The following LRRIQ4 variants were observed in gnomAD, a reference collection of about 807,000 sequenced individuals.
LRRIQ4 encodes leucine rich repeats and IQ motif containing 4.
In LRRIQ4, 21 loss-of-function variants were observed where a neutral mutation model predicts 40.1. That is an observed-to-expected ratio of 0.52 (90% CI 0.37 to 0.75). The LOEUF (loss-of-function observed/expected upper bound fraction) is 0.75, where lower values mean the gene tolerates loss of function less well. Ranked by LOEUF, LRRIQ4 falls within the 30% of genes least tolerant of loss-of-function variation. The pLI is 0.00. For missense variants in LRRIQ4, 655 were observed against 660.0 expected (o/e 0.99, Z 0.08); for synonymous variants, 277 against 277.1 (o/e 1.00, Z 0.00).
intron 1 of LRRIQ4, among the ~76,000 whole-genome samples, chr3:169,816,548 A>ATCTGGCT (rs1197492334): frequency 2.6e-5 from 4 of 151,944 alleles, no homozygotes; most frequent in African/African-American, 9.7e-5. Context: ...TAATCTGGCT[A>ATCTGGCT]AAAGTTTATT....
Position 169,821,933 on chromosome 3 carries a change from CAT to C in LRRIQ4, c.14_15del (p.Ile5LysfsTer8). 6.8e-7 allele frequency: 1 copy of C among 1,466,254 alleles called. No individual in the cohort carries two copies. The highest frequency in any genetic ancestry group is 9.0e-7 in the Non-Finnish European group (1 of 1,109,544). The allele number at this position is 1,466,254 out of a possible 1,614,324, so 90.8% of individuals were successfully genotyped here. On this transcript the variant is annotated frameshift_variant, in exon 2 of 6. Transcript: ENST00000340806. LOFTEE classifies it high-confidence loss of function. MSKDIKSVEHSPKIH... is the reference protein window; with the variant it reads MSKDXKSVEHSPKIH... ...TTTTCTTCACAATAATGTCAAAAGA[CAT>C]AAAATCAGTAGAACATTCACCTAAA...
At chr3:169,819,704 T>C (rs966319865) in intron 1 of LRRIQ4, among the ~76,000 whole-genome samples, 1 of 152,206 alleles carries the variant, frequency 6.6e-6, no homozygotes, top group Admixed American at 6.5e-5. Flanking sequence ...CAAATAATGA[T>C]GCCTCCTGCA....
At chr3:169,817,650 T>C (rs999140902) in intron 1 of LRRIQ4, among the ~76,000 whole-genome samples, 2 of 152,226 alleles carry the variant, frequency 1.3e-5, no homozygotes, top group Non-Finnish European at 2.9e-5. Flanking sequence ...TTATATCCTC[T>C]TGCTGAATGA....
intron 3 of LRRIQ4, among the ~76,000 whole-genome samples, chr3:169,829,876 A>C (rs1780123338): frequency 6.6e-6 from 1 of 152,234 alleles, no homozygotes; most frequent in African/African-American, 2.4e-5. Context: ...TGCACAGCAT[A>C]GGTAGTTCTC....
intron 1 of LRRIQ4, among the ~76,000 whole-genome samples, chr3:169,818,192 C>T (rs553719813): frequency 1.3e-4 from 20 of 152,308 alleles, no homozygotes; most frequent in Admixed American, 1.2e-3. Flanking sequence ...TCCTCTCCCT[C>T]CCCGAAGCAC....
At chr3:169,837,136 C>T (rs1430203488) in intron 5 of LRRIQ4, among the ~76,000 whole-genome samples, 1 of 152,180 alleles carries the variant, frequency 6.6e-6, no homozygotes. Flanking sequence ...GGTCACTCTC[C>T]ATAGCACTCA....
intron 1 of LRRIQ4, among the ~76,000 whole-genome samples, chr3:169,814,396 T>G (rs777363170): frequency 2.0e-4 from 30 of 152,194 alleles, no homozygotes; most frequent in Non-Finnish European, 2.9e-5. Flanking sequence ...TTCCTCTCAA[T>G]GTCCAGCCAC....
chr3:169,830,802 A>G (rs1780154267), intron 4 of LRRIQ4, among the ~76,000 whole-genome samples, 172 bp downstream of exon 4: 1 of 152,226 alleles, frequency 6.6e-6, no homozygotes, highest in South Asian at 2.1e-4. Context: ...AGGTGTCCTG[A>G]TTAGTATAGC....
intron 2 of LRRIQ4, among the ~76,000 whole-genome samples, chr3:169,828,227 A>G (rs902499734): frequency 1.3e-5 from 2 of 151,834 alleles, no homozygotes; most frequent in Admixed American, 1.3e-4. Context: ...ATAGGTTAAA[A>G]ATTGCTCCAA....
chr3:169,828,626 C>T (rs1780094742), intron 2 of LRRIQ4, 133 bp from the exon 3 acceptor site: 1 of 709,944 alleles, frequency 1.4e-6, no homozygotes. Flanking sequence ...GATATGTGCA[C>T]AAATTTTTCA....
intron 1 of LRRIQ4, among the ~76,000 whole-genome samples, chr3:169,816,352 A>G (rs895372008): frequency 1.3e-5 from 2 of 152,098 alleles, no homozygotes; most frequent in African/African-American, 2.4e-5. Flanking sequence ...CTATTGGTCT[A>G]TTGAGGTTTC....
In LRRIQ4 at chr3:169,821,932, A is replaced by G. The variant is rs894004893; in HGVS notation, c.11A>G (p.Asp4Gly). 5.5e-6 allele frequency: 8 copies of G among 1,465,010 alleles called. No homozygotes were observed. Among genetic ancestry groups the G allele is most frequent in the Admixed American group, 5.3e-5 (2 of 38,056 alleles). The allele number at this position is 1,465,010 out of a possible 1,614,324, so 90.8% of individuals were successfully genotyped here. The change falls in exon 2 of 6, where the codon GAC becomes GGC. Residue 4 changes from aspartate (D) to glycine (G), a missense_variant. Asp to Gly is a moderately conservative substitution (Grantham distance 94). Coordinates refer to ENST00000340806, the MANE Select transcript of LRRIQ4 (RefSeq NM_001080460.3). ...CTTTTCTTCACAATAATGTCAAAAG[A>G]CATAAAATCAGTAGAACATTCACCT... MSK[D>G]IKSVEHSPKI...
At position 169,814,979 on chromosome 3, in the gene LRRIQ4, G is replaced by C. The variant is rs574754224; in HGVS notation, c.-32+1933G>C. On this transcript the variant is annotated intron_variant, in intron 1 of 5. Transcript: ENST00000340806. ...GATTTATATCTGGGTTCTCTATTCT[G>C]TTCCATTGGTCTATGTATCTATTTT... Among the ~76,000 whole-genome samples the C allele has an allele frequency of 3.3e-5, 5 of 152,260 alleles. No homozygotes were observed. In the South Asian group the frequency reaches 8.3e-4, roughly 25 times the overall value.
At chr3:169,830,323 T>C (rs949698182) in intron 3 of LRRIQ4, among the ~76,000 whole-genome samples, 169 bp from the exon 4 acceptor site, 3 of 136,204 alleles carry the variant, frequency 2.2e-5, no homozygotes, top group African/African-American at 8.2e-5. Context: ...TTGATGATGG[T>C]CCTTTAGACA....
chr3:169,825,133 G>C (rs550803033), intron 2 of LRRIQ4, among the ~76,000 whole-genome samples: 1 of 150,504 alleles, frequency 6.6e-6, no homozygotes, highest in South Asian at 2.1e-4. Flanking sequence ...TCAGCCTCCC[G>C]AGTAGCTGGG....
In LRRIQ4 at chr3:169,831,716, C is replaced by A. The variant is rs114288354; in HGVS notation, c.1333+1086C>A. Reference sequence around the variant, plus strand: ...CAGGCGCGGTGCTCACGCCTGTAATCTCATCACTTTGGGACGCCGAGGAGG... The same window carrying A: ...CAGGCGCGGTGCTCACGCCTGTAATATCATCACTTTGGGACGCCGAGGAGG... On this transcript the variant is annotated intron_variant, in intron 4 of 5. Transcript: ENST00000340806. Among the ~76,000 whole-genome samples the A allele has an allele frequency of 9.0e-3, 1,347 of 150,026 alleles. 31 individuals carry two copies. Among genetic ancestry groups the A allele is most frequent in the African/African-American group, 0.032 (1,307 of 40,952 alleles).
chr3:169,823,020 G>A lies in LRRIQ4; in HGVS notation c.1020+79G>A, dbSNP rs13082888. The A allele has an allele frequency of 4.8e-6, 6 of 1,259,498 alleles. No homozygotes were observed. In the East Asian group the frequency reaches 1.6e-4, roughly 33 times the overall value. The allele number at this position is 1,259,498 out of a possible 1,614,324, so 78.0% of individuals were successfully genotyped here. A position where few individuals can be genotyped will look rare whatever the true frequency, so the allele number is the denominator to read the frequency against. ...CCTAAGTTGGTTCTGTATCTAAACA[G>A]CAAATTTGAACTGACTTTATGGGCG... On this transcript the variant is annotated intron_variant, in intron 2 of 5. Transcript: ENST00000340806.
chr3:169,827,919 G>T lies in LRRIQ4; in HGVS notation c.1021-840G>T, dbSNP rs552454115. Reference sequence around the variant, plus strand: ...AAATGCCGACCCAGTTCCCACACAGGTTACACAAGCCTGGGTATTCACTGA... The same window carrying T: ...AAATGCCGACCCAGTTCCCACACAGTTTACACAAGCCTGGGTATTCACTGA... On this transcript the variant is annotated intron_variant, in intron 2 of 5. Coordinates refer to ENST00000340806, the MANE Select transcript of LRRIQ4 (RefSeq NM_001080460.3). Among the ~76,000 whole-genome samples, 18 of 152,246 alleles carry T rather than the reference G, an allele frequency of 1.2e-4. No homozygotes were observed. The East Asian group carries it at 1.7e-3, about 15-fold the overall frequency.
At chr3:169,831,731 C>T (rs1332458715) in intron 4 of LRRIQ4, among the ~76,000 whole-genome samples, 1 of 150,156 alleles carries the variant, frequency 6.7e-6, no homozygotes, top group Admixed American at 6.6e-5. Context: ...CACTTTGGGA[C>T]GCCGAGGAGG....
Sources: allele counts gnomAD v4.1 joint callset (sites outside exome capture counted in the v4.1 genomes callset), GRCh38; gene constraint gnomAD v4.1.1; transcripts MANE v1.5; gene names NCBI Gene and HGNC (gene_info 2026-07-23, HGNC 2026-07-21).